Variants in GABRA3 observed in about 807,000 individuals in gnomAD.
The protein encoded by GABRA3 is gamma-aminobutyric acid receptor subunit alpha-3.
A neutral mutation model predicts 30.1 loss-of-function variants in GABRA3; 10 were observed. The ratio of observed to expected loss-of-function variants is 0.33; its 90% CI spans 0.20 to 0.56. GABRA3 has a LOEUF of 0.56. GABRA3 is among the 20% of genes least tolerant of loss of function. The probability of loss-of-function intolerance (pLI) is 0.89; values close to 1 mark genes in which losing one functional copy is unlikely to be tolerated. For missense variants in GABRA3, 233 were observed against 392.0 expected (o/e 0.59, Z 3.42); for synonymous variants, 151 against 146.8 (o/e 1.03, Z -0.21).
At chrX:152,441,432 T>C (rs934063539) in intron 1 of GABRA3, among the ~76,000 whole-genome samples, 4 of 111,773 alleles carry the variant, frequency 3.6e-5, no homozygotes, top group Non-Finnish European at 7.5e-5. Context: ...ATTCTACAGA[T>C]TCAATATAAT....
At chrX:152,271,139 T>A (rs1468337989) in intron 4 of GABRA3, among the ~76,000 whole-genome samples, 1 of 109,699 alleles carries the variant, frequency 9.1e-6, no homozygotes, top group African/African-American at 3.3e-5. Context: ...ATTATTGCAT[T>A]TTTAGTAGAG....
intron 1 of GABRA3, among the ~76,000 whole-genome samples, chrX:152,369,452 G>A (rs993032467): frequency 5.4e-5 from 6 of 110,893 alleles, no homozygotes; most frequent in African/African-American, 9.8e-5. Context: ...CTACCCTCCC[G>A]TCTCACACAC....
chrX:152,355,310 C>T (rs1940533567), intron 2 of GABRA3, among the ~76,000 whole-genome samples: 2 of 111,481 alleles, frequency 1.8e-5, no homozygotes, highest in African/African-American at 6.5e-5. Flanking sequence ...TATTCTCCAC[C>T]CCGTTCTCCT....
At chrX:152,206,338 A>G (rs1416873849) in intron 7 of GABRA3, among the ~76,000 whole-genome samples, 1 of 112,058 alleles carries the variant, frequency 8.9e-6, no homozygotes, top group Non-Finnish European at 1.9e-5. Flanking sequence ...AGGCAGTGGC[A>G]TTGGTGGTGG....
At chrX:152,333,645 T>C (rs949214242) in intron 3 of GABRA3, among the ~76,000 whole-genome samples, 1 of 111,645 alleles carries the variant, frequency 9.0e-6, no homozygotes, top group African/African-American at 3.3e-5. Flanking sequence ...TCCTCCTATA[T>C]TGAAGAACAA....
intron 6 of GABRA3, among the ~76,000 whole-genome samples, chrX:152,211,360 C>T (rs1209363630): frequency 9.2e-6 from 1 of 108,989 alleles, no homozygotes; most frequent in Non-Finnish European, 1.9e-5. Context: ...GTGTAGCTAT[C>T]GGTATCTCAG....
intron 1 of GABRA3, among the ~76,000 whole-genome samples, chrX:152,369,981 G>T (rs753394115): frequency 1.2e-4 from 13 of 111,342 alleles, no homozygotes; most frequent in Non-Finnish European, 2.1e-4. Context: ...AAAGGTTACT[G>T]GGCACTACCA....
intron 3 of GABRA3, among the ~76,000 whole-genome samples, chrX:152,327,127 G>A (rs1940075752): frequency 1.9e-5 from 2 of 107,258 alleles, no homozygotes; most frequent in Admixed American, 1.0e-4. Context: ...AATGATAGAG[G>A]GACCAATTCA....
At chrX:152,294,976 AC>A (rs1427918869) in intron 3 of GABRA3, among the ~76,000 whole-genome samples, 1 of 110,657 alleles carries the variant, frequency 9.0e-6, no homozygotes, top group Admixed American at 9.6e-5. Flanking sequence ...TCCACTCCAG[AC>A]CCTGTTTGCC....
intron 3 of GABRA3, among the ~76,000 whole-genome samples, chrX:152,301,470 T>C (rs770179770): frequency 8.0e-5 from 9 of 112,282 alleles, no homozygotes; most frequent in Non-Finnish European, 1.5e-4. Context: ...TTTTTCCCTT[T>C]TTAAATTCTT....
chrX:152,414,884 C>G (rs1319234977), intron 1 of GABRA3, among the ~76,000 whole-genome samples: 1 of 104,570 alleles, frequency 9.6e-6, no homozygotes. Flanking sequence ...CATGGAGGAA[C>G]CTTAAATGTA....
chrX:152,419,030 C>T (rs893685698), intron 1 of GABRA3, among the ~76,000 whole-genome samples: 33 of 111,041 alleles, frequency 3.0e-4, no homozygotes, highest in Non-Finnish European at 4.0e-4. Flanking sequence ...TCTCAGCAAA[C>T]TACCGCAAGG....
At chrX:152,404,326 A>G (rs973765184) in intron 1 of GABRA3, among the ~76,000 whole-genome samples, 3 of 110,924 alleles carry the variant, frequency 2.7e-5, no homozygotes, top group Non-Finnish European at 5.7e-5. Context: ...AACTTAAGAA[A>G]CAACATGGCA....
At chrX:152,322,308 T>C (rs1298223205) in intron 3 of GABRA3, among the ~76,000 whole-genome samples, 1 of 111,324 alleles carries the variant, frequency 9.0e-6, no homozygotes, top group Non-Finnish European at 1.9e-5. Context: ...AGAATGCAAA[T>C]TCATGGTTGC....
At chrX:152,255,175 G>A (rs996581368) in intron 5 of GABRA3, among the ~76,000 whole-genome samples, 1 of 111,385 alleles carries the variant, frequency 9.0e-6, no homozygotes, top group African/African-American at 3.3e-5. Flanking sequence ...TGTATAGATA[G>A]ATAGAGATAT....
At chrX:152,379,453 C>T (rs1419528398) in intron 1 of GABRA3, among the ~76,000 whole-genome samples, 1 of 110,780 alleles carries the variant, frequency 9.0e-6, no homozygotes, top group Admixed American at 9.7e-5. Flanking sequence ...ACAGCTTACA[C>T]AGTACTTAAG....
intron 1 of GABRA3, among the ~76,000 whole-genome samples, chrX:152,370,002 G>T (rs1366777443): frequency 9.0e-6 from 1 of 111,398 alleles, no homozygotes; most frequent in Admixed American, 9.6e-5. Flanking sequence ...AATACTAGTT[G>T]TGTTAGGCTT....
intron 1 of GABRA3, among the ~76,000 whole-genome samples, chrX:152,405,306 CAAAAAAAAA>C (rs1182138088): frequency 1.8e-4 from 6 of 33,740 alleles, no homozygotes; most frequent in Non-Finnish European, 3.9e-4. Context: ...CGCACCCTTG[CAAAAAAAAA>C]AAAAAAAAAA....
chrX:152,412,262 T>A (rs1930092699), intron 1 of GABRA3, among the ~76,000 whole-genome samples: 1 of 112,044 alleles, frequency 8.9e-6, no homozygotes, highest in Admixed American at 9.5e-5. Flanking sequence ...AACAGTTTGG[T>A]GAGTCCTCAG....
Sources: allele counts gnomAD v4.1 joint callset (sites outside exome capture counted in the v4.1 genomes callset), GRCh38; gene constraint gnomAD v4.1.1; transcripts MANE v1.5; gene names NCBI Gene and HGNC (gene_info 2026-07-23, HGNC 2026-07-21).